The following KCNAB1 variants were observed in gnomAD, a reference collection of about 807,000 sequenced individuals.
KCNAB1 encodes potassium voltage-gated channel subfamily A regulatory beta subunit 1, also known as voltage-gated potassium channel subunit beta-1.
Under a neutral mutation model 64.6 loss-of-function variants are expected in KCNAB1, and 35 were observed. The ratio of observed to expected loss-of-function variants is 0.54; its 90% CI spans 0.41 to 0.72. KCNAB1 has a LOEUF of 0.72. Ranked by LOEUF, KCNAB1 falls within the 30% of genes least tolerant of loss-of-function variation. The probability of loss-of-function intolerance (pLI) is 0.00; values close to 1 mark genes in which losing one functional copy is unlikely to be tolerated. For synonymous variants in KCNAB1, 177 were observed against 183.8 expected (o/e 0.96, Z 0.30); for missense variants, 401 against 512.9 (o/e 0.78, Z 2.11).
At chr3:156,201,199 G>C (rs561392359) in intron 1 of KCNAB1, among the ~76,000 whole-genome samples, 22 of 152,230 alleles carry the variant, frequency 1.4e-4, no homozygotes, top group Non-Finnish European at 2.4e-4. Flanking sequence ...TGGAAATGCA[G>C]AAATCACCCG....
At chr3:156,487,509 A>G (rs1715298393) in intron 8 of KCNAB1, among the ~76,000 whole-genome samples, 1 of 152,180 alleles carries the variant, frequency 6.6e-6, no homozygotes, top group Admixed American at 6.6e-5. Flanking sequence ...TGTTGTGTCT[A>G]GCTCCAGTGA....
intron 1 of KCNAB1, among the ~76,000 whole-genome samples, chr3:156,316,866 G>A (rs1380052970): frequency 1.3e-5 from 2 of 152,230 alleles, no homozygotes; most frequent in African/African-American, 4.8e-5. Flanking sequence ...ATGAAGGTCA[G>A]AGCCCAGGCC....
At chr3:156,459,307 CAA>C (rs1274107521) in intron 4 of KCNAB1, among the ~76,000 whole-genome samples, 2 of 152,144 alleles carry the variant, frequency 1.3e-5, no homozygotes, top group African/African-American at 4.8e-5. Flanking sequence ...GCTCCTATGA[CAA>C]AGTTTGTCAC....
chr3:156,120,521 G>T, upstream of KCNAB1: 1 of 1,426,504 alleles, frequency 7.0e-7, no homozygotes, highest in South Asian at 1.3e-5. Context: ...GGTGGAGTGG[G>T]CAGGGACGAG....
intron 1 of KCNAB1, among the ~76,000 whole-genome samples, chr3:156,179,532 A>G (rs1280162007): frequency 6.9e-6 from 1 of 144,452 alleles, no homozygotes; most frequent in Non-Finnish European, 1.5e-5. Context: ...GTGGGGAAGC[A>G]GCCCATTTTG....
At chr3:156,444,532 A>G (rs1717259334) in intron 2 of KCNAB1, among the ~76,000 whole-genome samples, 1 of 152,174 alleles carries the variant, frequency 6.6e-6, no homozygotes, top group Non-Finnish European at 1.5e-5. Context: ...TGAGTGGTGG[A>G]GTCAGAACTC....
chr3:156,413,810 T>G (rs550349723), intron 1 of KCNAB1, among the ~76,000 whole-genome samples: 1 of 152,346 alleles, frequency 6.6e-6, no homozygotes, highest in East Asian at 1.9e-4. Flanking sequence ...GGTGGGAATA[T>G]GCAGACACCT....
intron 1 of KCNAB1, among the ~76,000 whole-genome samples, chr3:156,200,879 C>A (rs1222121416): frequency 6.6e-6 from 1 of 152,180 alleles, no homozygotes; most frequent in Non-Finnish European, 1.5e-5. Context: ...TACAAACAAA[C>A]AAACTCCTGC....
chr3:156,242,441 G>A (rs752333322), intron 1 of KCNAB1, among the ~76,000 whole-genome samples: 16 of 151,970 alleles, frequency 1.1e-4, no homozygotes, highest in African/African-American at 3.4e-4. Context: ...TCCCCCACCC[G>A]CTTCCCACAT....
In KCNAB1 at chr3:156,529,172, A is replaced by G. The variant is rs139071745; in HGVS notation, c.1082-2237A>G. On this transcript the variant is annotated intron_variant, in intron 12 of 13. Coordinates refer to ENST00000490337, the MANE Select transcript of KCNAB1 (RefSeq NM_172160.3). ...CTTTAGCAACAAAAAGAAATGGTAT[A>G]CGGGTACATAGTGCAACACGGAAAA... is the stretch of plus-strand genomic sequence containing the variant. Among the ~76,000 whole-genome samples, 25 of 152,322 alleles carry G rather than the reference A, an allele frequency of 1.6e-4. No individual in the cohort carries two copies. In the East Asian group the frequency reaches 4.6e-3, roughly 28 times the overall value.
At chr3:156,173,300 C>G (rs6441042) in intron 1 of KCNAB1, among the ~76,000 whole-genome samples, 72,269 of 151,994 alleles carry the variant, frequency 0.48, 19,076 homozygotes, top group East Asian at 0.78. Flanking sequence ...GTGAGTTAAC[C>G]AGGGTGTTTC....
intron 1 of KCNAB1, among the ~76,000 whole-genome samples, chr3:156,369,513 GCACA>G (rs1434540468): frequency 6.6e-6 from 1 of 152,254 alleles, no homozygotes; most frequent in African/African-American, 2.4e-5. Context: ...TGGATCAAAA[GCACA>G]CAGTTTGCGT....
At chr3:156,335,949 A>AT (rs1345717155) in intron 1 of KCNAB1, among the ~76,000 whole-genome samples, 1 of 150,438 alleles carries the variant, frequency 6.6e-6, no homozygotes, top group African/African-American at 2.5e-5. Context: ...GTGAGATGTC[A>AT]TTTTTGTGAA....
chr3:156,383,688 A>G (rs930537589), intron 1 of KCNAB1, among the ~76,000 whole-genome samples: 1 of 152,252 alleles, frequency 6.6e-6, no homozygotes, highest in African/African-American at 2.4e-5. Flanking sequence ...GGCTCAAGTC[A>G]GAAAAAAATA....
chr3:156,344,432 G>A (rs186900513), intron 1 of KCNAB1, among the ~76,000 whole-genome samples: 8 of 152,234 alleles, frequency 5.3e-5, no homozygotes, highest in East Asian at 1.9e-4. Flanking sequence ...TAGATGCTGC[G>A]TACCTCCCTC....
chr3:156,489,878 T>C (rs1715511068), intron 8 of KCNAB1, among the ~76,000 whole-genome samples: 1 of 152,070 alleles, frequency 6.6e-6, no homozygotes, highest in African/African-American at 2.4e-5. Context: ...GTTCATCTAT[T>C]AGAGAATCCA....
intron 1 of KCNAB1, among the ~76,000 whole-genome samples, chr3:156,159,709 G>A (rs1393204404): frequency 6.6e-6 from 1 of 152,210 alleles, no homozygotes; most frequent in Non-Finnish European, 1.5e-5. Context: ...AATTTTACAA[G>A]TAAGTTTTCT....
chr3:156,158,186 AT>A (rs1211210744), intron 1 of KCNAB1, among the ~76,000 whole-genome samples: 5,752 of 88,360 alleles, frequency 0.065, 286 homozygotes, highest in Middle Eastern at 0.13. Flanking sequence ...TAAAAAATAA[AT>A]AAATAAATAA....
At chr3:156,149,914 G>A (rs560568360) in intron 1 of KCNAB1, among the ~76,000 whole-genome samples, 3 of 152,130 alleles carry the variant, frequency 2.0e-5, no homozygotes, top group Non-Finnish European at 2.9e-5. Flanking sequence ...GGCACACTCA[G>A]ACCTGCTTGA....
Sources: allele counts gnomAD v4.1 joint callset (sites outside exome capture counted in the v4.1 genomes callset), GRCh38; gene constraint gnomAD v4.1.1; transcripts MANE v1.5; gene names NCBI Gene and HGNC (gene_info 2026-07-23, HGNC 2026-07-21).